Variants in MICU1 observed in about 807,000 individuals in gnomAD.
MICU1 encodes the protein calcium uptake protein 1, mitochondrial.
A neutral mutation model predicts 56.8 loss-of-function variants in MICU1; 45 were observed. That is an observed-to-expected ratio of 0.79 (90% confidence interval 0.62 to 1.02). The LOEUF is 1.02. Ranked by LOEUF, MICU1 falls within the 50% of genes least tolerant of loss-of-function variation. MICU1 has a pLI of 0.00. For missense variants in MICU1, 504 were observed against 587.1 expected (o/e 0.86, Z 1.46); for synonymous variants, 186 against 195.1 (o/e 0.95, Z 0.39).
At position 72,368,008 on chromosome 10, in the gene MICU1, C is replaced by T; in HGVS notation, c.*187G>A. ...AGAACCTATGGGGATACTCATTGGG[C>T]AGAATCAGAGCCCAGCAGAACACGG... On this transcript the variant is annotated 3_prime_UTR_variant, in exon 12 of 12. Transcript: ENST00000361114. The T allele has an allele frequency of 1.7e-6, 1 of 582,504 alleles. No homozygotes were observed. The highest frequency in any genetic ancestry group is 2.8e-5 in the East Asian group (1 of 35,630). 36.1% of individuals were successfully genotyped at this position (582,504 alleles called of 1,614,324 possible).
At chr10:72,563,308 C>T (rs973589558) in intron 2 of MICU1, among the ~76,000 whole-genome samples, 7 of 152,094 alleles carry the variant, frequency 4.6e-5, no homozygotes, top group Non-Finnish European at 7.3e-5. Flanking sequence ...TGCACAATAG[C>T]TGAAAGGTGG....
At chr10:72,399,016 C>T (rs1336604624) in intron 10 of MICU1, among the ~76,000 whole-genome samples, 1 of 152,150 alleles carries the variant, frequency 6.6e-6, no homozygotes, top group East Asian at 1.9e-4. Flanking sequence ...ACCAATATCC[C>T]TGATGAACAT....
intron 1 of MICU1, among the ~76,000 whole-genome samples, chr10:72,594,571 T>G (rs1409934629): frequency 6.6e-6 from 1 of 151,826 alleles, no homozygotes; most frequent in Non-Finnish European, 1.5e-5. Context: ...TCATGAAAAT[T>G]TAAAAATTTA....
chr10:72,420,100 C>T (rs1283631724), intron 9 of MICU1, among the ~76,000 whole-genome samples: 1 of 152,178 alleles, frequency 6.6e-6, no homozygotes, highest in Non-Finnish European at 1.5e-5. Context: ...GCTCTTGTTA[C>T]CCAGGCTGGA....
intron 6 of MICU1, among the ~76,000 whole-genome samples, chr10:72,486,330 C>T (rs1040670689): frequency 6.6e-6 from 1 of 152,144 alleles, no homozygotes; most frequent in Admixed American, 6.6e-5. Flanking sequence ...TAGCACAATA[C>T]ATCAAAATAT....
chr10:72,378,416 G>A (rs1158699411), intron 10 of MICU1, among the ~76,000 whole-genome samples: 2 of 152,142 alleles, frequency 1.3e-5, no homozygotes, highest in East Asian at 1.9e-4. Flanking sequence ...CTGGTTAAGT[G>A]TGTGGCACCT....
chr10:72,420,813 C>G (rs1864134281), intron 9 of MICU1, among the ~76,000 whole-genome samples: 1 of 151,638 alleles, frequency 6.6e-6, no homozygotes, highest in Non-Finnish European at 1.5e-5. Context: ...GTAGCTGCGA[C>G]TACATGCACG....
At chr10:72,533,201 A>G (rs1021048999) in intron 5 of MICU1, 9 of 1,136,410 alleles carry the variant, frequency 7.9e-6, no homozygotes, top group African/African-American at 1.6e-5. Context: ...TTATGAGACA[A>G]TAAAACTGAA....
rs1318540044 is a variant in MICU1 at position 72,586,148 on chromosome 10, G to A, written c.-1-19354C>T. On this transcript the variant is annotated intron_variant, in intron 1 of 11. Transcript: ENST00000361114. ...TCCTGACTCAGCCTCCAAGTAGCTT[G>A]GACTACAGGTGCACACCACCACACC... Among the ~76,000 whole-genome samples, 3 of 149,628 alleles carry A rather than the reference G, an allele frequency of 2.0e-5. No homozygotes were observed. The South Asian group carries it at 6.3e-4, about 32-fold the overall frequency.
At chr10:72,557,656 G>A (rs1840190880) in intron 3 of MICU1, among the ~76,000 whole-genome samples, 1 of 152,162 alleles carries the variant, frequency 6.6e-6, no homozygotes, top group East Asian at 1.9e-4. Context: ...CTAGTTGTAT[G>A]ATTTTAGGCA....
rs538954882 is a variant in MICU1 at position 72,391,714 on chromosome 10, A to T, written c.1181-15842T>A. Among the ~76,000 whole-genome samples the T allele has an allele frequency of 4.6e-5, 7 of 152,196 alleles. No homozygotes were observed. The South Asian group carries it at 1.2e-3, about 27-fold the overall frequency. Reference sequence around the variant, plus strand: ...TTTGGAGGCTTATGACTATTTGGAAAACCTCATAGATGGACCACACAGCAT... The same window carrying T: ...TTTGGAGGCTTATGACTATTTGGAATACCTCATAGATGGACCACACAGCAT... On this transcript the variant is annotated intron_variant, in intron 10 of 11. Coordinates refer to ENST00000361114, the MANE Select transcript of MICU1 (RefSeq NM_001195518.2).
At chr10:72,382,904 G>A (rs929949803) in intron 10 of MICU1, among the ~76,000 whole-genome samples, 2 of 152,102 alleles carry the variant, frequency 1.3e-5, no homozygotes, top group Non-Finnish European at 2.9e-5. Context: ...GCAAGCCTCC[G>A]TCCAATAGTA....
chr10:72,468,171 G>C (rs1361318514), intron 8 of MICU1, among the ~76,000 whole-genome samples: 1 of 152,000 alleles, frequency 6.6e-6, no homozygotes, highest in Non-Finnish European at 1.5e-5. Flanking sequence ...TGCTAAGCAC[G>C]TGAATCCCAG....
rs1182246389 is a variant in MICU1 at position 72,436,205 on chromosome 10, AGCAATATTTGCTGTTCT to A, written c.934-12851_934-12835del. On this transcript the variant is annotated intron_variant, in intron 8 of 11. Coordinates refer to ENST00000361114, the MANE Select transcript of MICU1 (RefSeq NM_001195518.2). ...GACACTTCCAGAGGAAGGATCAGGC[AGCAATATTTGCTGTTCT>A]GCAATATTTGCTGTTCTGCAGCCTC... 1.3e-3 allele frequency among the ~76,000 whole-genome samples: 202 copies of A among 152,338 alleles called. 1 individual carries two copies. Among genetic ancestry groups the A allele is most frequent in the African/African-American group, 4.5e-3 (188 of 41,578 alleles).
At chr10:72,458,704 GT>G (rs58623292) in intron 8 of MICU1, among the ~76,000 whole-genome samples, 4,374 of 142,882 alleles carry the variant, frequency 0.031, 201 homozygotes, top group African/African-American at 0.1. Context: ...TGCGGTTCCT[GT>G]TTTTTTTTTT....
At chr10:72,573,307 CAA>C (rs58866778) in intron 1 of MICU1, among the ~76,000 whole-genome samples, 1 of 21,040 alleles carries the variant, frequency 4.8e-5, no homozygotes, top group Non-Finnish European at 8.3e-5. Flanking sequence ...CCCATCACTA[CAA>C]AAAAAAAAAA....
At chr10:72,412,505 A>G (rs758810161) in intron 9 of MICU1, among the ~76,000 whole-genome samples, 2 of 152,240 alleles carry the variant, frequency 1.3e-5, no homozygotes, top group Non-Finnish European at 2.9e-5. Flanking sequence ...ATGCTGAAAA[A>G]TGAATTTAAC....
At chr10:72,625,596 T>G (rs1308432889) in intron 1 of MICU1, among the ~76,000 whole-genome samples, 1 of 152,190 alleles carries the variant, frequency 6.6e-6, no homozygotes, top group Non-Finnish European at 1.5e-5. Context: ...TTAATATTTC[T>G]CCGTATTAGA....
chr10:72,567,828 G>C lies in MICU1; in HGVS notation c.-1-1034C>G, dbSNP rs552373407. ...TCAGCAAGAAACACCCCTCCTCCAG[G>C]GTCCTTCTAGTCTCTCTACTGACAA... is the stretch of plus-strand genomic sequence containing the variant. On this transcript the variant is annotated intron_variant, in intron 1 of 11. Coordinates refer to ENST00000361114, the MANE Select transcript of MICU1 (RefSeq NM_001195518.2). Among the ~76,000 whole-genome samples, 6 of 152,122 alleles carry C rather than the reference G, an allele frequency of 3.9e-5. No individual in the cohort carries two copies. The East Asian group carries it at 1.2e-3, about 29-fold the overall frequency.
Sources: allele counts gnomAD v4.1 joint callset (sites outside exome capture counted in the v4.1 genomes callset), GRCh38; gene constraint gnomAD v4.1.1; transcripts MANE v1.5; gene names NCBI Gene and HGNC (gene_info 2026-07-23, HGNC 2026-07-21).